Variants in GABBR2 observed in about 807,000 individuals in gnomAD.
GABBR2 encodes G-protein coupled receptor 51.
Under a neutral mutation model 105.6 loss-of-function variants are expected in GABBR2, and 23 were observed. The observed-to-expected ratio is 0.22, with a 90% CI of 0.16 to 0.31. GABBR2 has a LOEUF of 0.31. Among genes scored for constraint, GABBR2 ranks in the 10% least tolerant of loss-of-function variants. GABBR2 has a pLI of 1.00. For missense variants in GABBR2, 734 were observed against 1,245.5 expected (o/e 0.59, Z 6.18); for synonymous variants, 478 against 499.7 (o/e 0.96, Z 0.58).
At chr9:98,497,449 T>C (rs930340200) in intron 3 of GABBR2, among the ~76,000 whole-genome samples, 1 of 151,898 alleles carries the variant, frequency 6.6e-6, no homozygotes, top group African/African-American at 2.4e-5. Flanking sequence ...AAAGTAAGGA[T>C]CAAACCAAAT....
At chr9:98,311,805 G>T (rs1480042169) in intron 13 of GABBR2, among the ~76,000 whole-genome samples, 1 of 152,212 alleles carries the variant, frequency 6.6e-6, no homozygotes, top group Non-Finnish European at 1.5e-5. Flanking sequence ...CAATCCAGAG[G>T]CTTGTCAGAT....
chr9:98,379,222 G>A (rs1043442560), intron 11 of GABBR2, among the ~76,000 whole-genome samples: 1 of 152,124 alleles, frequency 6.6e-6, no homozygotes, highest in African/African-American at 2.4e-5. Context: ...AGTTGCCATG[G>A]GTACCTACAC....
intron 3 of GABBR2, among the ~76,000 whole-genome samples, chr9:98,511,533 G>C (rs1013988604): frequency 8.0e-5 from 12 of 150,008 alleles, no homozygotes; most frequent in African/African-American, 3.0e-4. Context: ...GAAGAAAAGA[G>C]AGAAGAATCA....
intron 13 of GABBR2, 44 bp downstream of exon 13, chr9:98,362,671 G>A (rs778008308): frequency 1.4e-6 from 2 of 1,451,116 alleles, no homozygotes; most frequent in Non-Finnish European, 1.8e-6. Context: ...ATGTGCCAGG[G>A]GCTGCATCTG....
At chr9:98,594,290 C>T (rs568183417) in intron 1 of GABBR2, among the ~76,000 whole-genome samples, 1 of 152,352 alleles carries the variant, frequency 6.6e-6, no homozygotes, top group South Asian at 2.1e-4. Context: ...CGCCTCCCAC[C>T]CCGTGGCTGA....
chr9:98,295,981 A>C (rs1481979976), intron 17 of GABBR2, among the ~76,000 whole-genome samples: 1 of 152,236 alleles, frequency 6.6e-6, no homozygotes, highest in African/African-American at 2.4e-5. Context: ...CTGTTGATGG[A>C]GGCTTTACAG....
At chr9:98,340,022 T>C (rs944530247) in intron 13 of GABBR2, among the ~76,000 whole-genome samples, 1 of 151,970 alleles carries the variant, frequency 6.6e-6, no homozygotes, top group Non-Finnish European at 1.5e-5. Context: ...CACTCTGGGG[T>C]GGAAGCTCAA....
intron 1 of GABBR2, among the ~76,000 whole-genome samples, chr9:98,626,086 G>A (rs1829732747): frequency 6.6e-6 from 1 of 152,210 alleles, no homozygotes; most frequent in South Asian, 2.1e-4. Context: ...GACCCACCTG[G>A]GTAGAGATTC....
intron 6 of GABBR2, among the ~76,000 whole-genome samples, chr9:98,459,693 T>G (rs1826389632): frequency 6.6e-6 from 1 of 152,224 alleles, no homozygotes; most frequent in East Asian, 1.9e-4. Flanking sequence ...TAGAGTTTAA[T>G]AGTATTGGGA....
intron 16 of GABBR2, chr9:98,302,741 G>A (rs1830489729): frequency 6.6e-6 from 1 of 152,626 alleles, no homozygotes; most frequent in African/African-American, 2.4e-5. Context: ...ATCTGGCTAT[G>A]GTCTCTCTGG....
At chr9:98,509,802 C>A (rs1588203296) in intron 3 of GABBR2, among the ~76,000 whole-genome samples, 2 of 152,066 alleles carry the variant, frequency 1.3e-5, no homozygotes, top group African/African-American at 4.8e-5. Context: ...GATTGGTGTA[C>A]CTGAAAGTGA....
At chr9:98,294,891 C>T (rs887353651) in intron 17 of GABBR2, among the ~76,000 whole-genome samples, 1 of 152,154 alleles carries the variant, frequency 6.6e-6, no homozygotes, top group African/African-American at 2.4e-5. Flanking sequence ...TGTGTAGCCA[C>T]AAAATATGTG....
rs563403733 is a variant in GABBR2 at position 98,405,623 on chromosome 9, G to A, written c.1297+458C>T. ...CTTGAGGATTCCAAAATCCCCCAAC[G>A]ACCAAGTCCCTGATATAAAATGGGG... On this transcript the variant is annotated intron_variant, in intron 8 of 18. Coordinates refer to ENST00000259455, the MANE Select transcript of GABBR2 (RefSeq NM_005458.8). Among the ~76,000 whole-genome samples the A allele has an allele frequency of 2.3e-4, 35 of 152,204 alleles. No homozygotes were observed. The South Asian group carries it at 3.5e-3, about 15-fold the overall frequency.
At chr9:98,464,045 C>T (rs371433985) in intron 6 of GABBR2, among the ~76,000 whole-genome samples, 2 of 152,350 alleles carry the variant, frequency 1.3e-5, no homozygotes, top group African/African-American at 4.8e-5. Context: ...CAGCCTCTGC[C>T]CGCCCGCCAC....
chr9:98,513,784 T>C (rs374447389), intron 3 of GABBR2, among the ~76,000 whole-genome samples: 5 of 151,986 alleles, frequency 3.3e-5, no homozygotes, highest in South Asian at 2.1e-4. Flanking sequence ...TGTGGAGAAA[T>C]AGGAACACTT....
intron 6 of GABBR2, among the ~76,000 whole-genome samples, chr9:98,466,389 T>C (rs1826556582): frequency 1.3e-5 from 2 of 152,198 alleles, no homozygotes; most frequent in Non-Finnish European, 2.9e-5. Context: ...TACAAATAGT[T>C]TTTTTCTTGA....
At chr9:98,383,388 G>T (rs1832013946) in intron 11 of GABBR2, among the ~76,000 whole-genome samples, 1 of 151,822 alleles carries the variant, frequency 6.6e-6, no homozygotes, top group Non-Finnish European at 1.5e-5. Flanking sequence ...CTCCCAGACG[G>T]GCAGAATAAT....
intron 1 of GABBR2, among the ~76,000 whole-genome samples, chr9:98,697,225 C>A (rs1830764673): frequency 6.6e-6 from 1 of 152,154 alleles, no homozygotes; most frequent in South Asian, 2.1e-4. Flanking sequence ...GGCGCGGTGG[C>A]TTACGCCTGT....
In GABBR2 at chr9:98,453,919, T is replaced by G. The variant is rs1053462383; in HGVS notation, c.1236+62A>C. On this transcript the variant is annotated intron_variant, in intron 7 of 18. Coordinates refer to ENST00000259455, the MANE Select transcript of GABBR2 (RefSeq NM_005458.8). Reference sequence around the variant, plus strand: ...ATAACAGAAAGCCTGTAACAGCCCCTCTTTTGCTTTGCATGTTTACAAGGA... The same window carrying G: ...ATAACAGAAAGCCTGTAACAGCCCCGCTTTTGCTTTGCATGTTTACAAGGA... The G allele has an allele frequency of 2.7e-6, 3 of 1,093,358 alleles. No individual in the cohort carries two copies. The African/African-American group carries it at 4.6e-5, about 17-fold the overall frequency. The allele number at this position is 1,093,358 out of a possible 1,614,324, so 67.7% of individuals were successfully genotyped here.
Sources: allele counts gnomAD v4.1 joint callset (sites outside exome capture counted in the v4.1 genomes callset), GRCh38; gene constraint gnomAD v4.1.1; transcripts MANE v1.5; gene names NCBI Gene and HGNC (gene_info 2026-07-23, HGNC 2026-07-21).